PXDN: variants seen among roughly 807,000 people sequenced by gnomAD.
PXDN encodes peroxidasin homolog.
PXDN carries 77 observed loss-of-function variants against 140.3 expected under a neutral mutation model. The observed-to-expected ratio is 0.55, with a 90% CI of 0.46 to 0.66. The LOEUF (loss-of-function observed/expected upper bound fraction) is 0.66, where lower values mean the gene tolerates loss of function less well. PXDN is among the 30% of genes least tolerant of loss of function. PXDN has a pLI of 0.00. For missense variants in PXDN, 1,838 were observed against 2,039.5 expected (o/e 0.90, Z 1.90); for synonymous variants, 911 against 857.4 (o/e 1.06, Z -1.09).
At chr2:1,721,532 T>C (rs1685051313) in intron 1 of PXDN, among the ~76,000 whole-genome samples, 2 of 152,238 alleles carry the variant, frequency 1.3e-5, no homozygotes, top group Non-Finnish European at 2.9e-5. Flanking sequence ...TTTTGCTTGT[T>C]GCTTTTCTAA....
At chr2:1,652,845 A>G (rs1683045577) in intron 16 of PXDN, among the ~76,000 whole-genome samples, 1 of 152,218 alleles carries the variant, frequency 6.6e-6, no homozygotes, top group Admixed American at 6.5e-5. Context: ...GTTATGCTCA[A>G]TGAAAACAAT....
Position 1,663,507 on chromosome 2 carries a change from T to C in PXDN, c.1567+98A>G, listed in dbSNP as rs370087261. On this transcript the variant is annotated intron_variant, in intron 12 of 22. Transcript: ENST00000252804. ...AATGCAGAGAGAACAGCCAACGCTT[T>C]ATAACGAAGAGTAACACTAATGTCA... 1.4e-5 allele frequency: 21 copies of C among 1,499,980 alleles called. No homozygotes were observed. The African/African-American group carries it at 2.3e-4, about 17-fold the overall frequency. The allele number at this position is 1,499,980 out of a possible 1,614,324, so 92.9% of individuals were successfully genotyped here.
intron 9 of PXDN, among the ~76,000 whole-genome samples, chr2:1,669,999 T>C (rs1661528471): frequency 6.6e-6 from 1 of 152,326 alleles, no homozygotes; most frequent in East Asian, 1.9e-4. Flanking sequence ...AGCATAAGAC[T>C]ACCTATAGTC....
At chr2:1,713,332 G>A (rs574267822) in intron 1 of PXDN, among the ~76,000 whole-genome samples, 17 of 152,326 alleles carry the variant, frequency 1.1e-4, no homozygotes, top group African/African-American at 4.1e-4. Context: ...GTTTTGTGCT[G>A]TGGTAACTCA....
chr2:1,720,990 G>A (rs762108977), intron 1 of PXDN, among the ~76,000 whole-genome samples: 11 of 152,142 alleles, frequency 7.2e-5, no homozygotes, highest in South Asian at 2.1e-4. Context: ...CTCCTGCTCC[G>A]GGGAGGTCAG....
Position 1,649,549 on chromosome 2 carries a change from T to G in PXDN, c.2231A>C (p.His744Pro). The G allele has an allele frequency of 6.2e-7, 1 of 1,614,030 alleles. No individual in the cohort carries two copies. ...CTGCAGGTTGTTACAGGTGCCGTCG[T>G]GCGTCCGGTACTTCTGGTGGAAGCA... ...DMCFHQKYRT[H>P]DGTCNNLQHP... Residue 744 changes from histidine to proline, a missense_variant, in exon 17 of 23, where the codon CAC (histidine) becomes CCC (proline). Transcript: ENST00000252804. The surrounding 1 kb of genome is among the most constrained non-coding windows in gnomAD (Gnocchi z 7.1).
At chr2:1,644,021 G>A (rs1251953593) in intron 18 of PXDN, among the ~76,000 whole-genome samples, 1 of 119,992 alleles carries the variant, frequency 8.3e-6, no homozygotes, top group African/African-American at 3.1e-5. Flanking sequence ...GCAGTGAGTC[G>A]AGATCGCGCC....
chr2:1,738,857 A>G (rs7580451), intron 1 of PXDN, among the ~76,000 whole-genome samples: 104,068 of 151,970 alleles, frequency 0.68, 36,036 homozygotes, highest in East Asian at 0.93. Flanking sequence ...TGATCTTCCA[A>G]CTCTTACCCA....
Position 1,649,394 on chromosome 2 carries a change from G to A in PXDN, c.2386C>T (p.Arg796Cys), listed in dbSNP as rs567219623. ...CCGATCAGGGTGGTGGACACCAGGCGCGGCATGGGAAGGGCGTGCCCGTTG... is the reference window on the plus strand; with the variant it reads ...CCGATCAGGGTGGTGGACACCAGGCACGGCATGGGAAGGGCGTGCCCGTTG... ...LYNGHALPMPRLVSTTLIGTE... is the reference protein window; with the variant it reads ...LYNGHALPMPCLVSTTLIGTE... Residue 796 changes from arginine to cysteine, a missense_variant, in exon 17 of 23, where the codon CGC becomes TGC. Arg to Cys is a radical substitution (Grantham distance 180, BLOSUM62 -3). Transcript: ENST00000252804. This position sits in a 1 kb window ranked among gnomAD's most constrained non-coding sequence, Gnocchi z 7.1. 5 of 1,613,968 alleles carry A rather than the reference G, an allele frequency of 3.1e-6. No homozygotes were observed. The highest frequency in any genetic ancestry group is 2.2e-5 in the East Asian group (1 of 44,852).
At chr2:1,693,029 T>C (rs1684219144) in intron 2 of PXDN, 34 bp downstream of exon 2, 1 of 1,483,010 alleles carries the variant, frequency 6.7e-7, no homozygotes. Flanking sequence ...ATTTCTATTT[T>C]TCTATTAGTT....
At chr2:1,733,748 C>CAA (rs72208257) in intron 1 of PXDN, among the ~76,000 whole-genome samples, 989 of 79,228 alleles carry the variant, frequency 0.012, 60 homozygotes, top group African/African-American at 0.041. Flanking sequence ...TGTCAAATGA[C>CAA]AAAAAAAAAA....
intron 9 of PXDN, among the ~76,000 whole-genome samples, chr2:1,667,687 G>A (rs1359815587): frequency 6.6e-6 from 1 of 152,082 alleles, no homozygotes; most frequent in Non-Finnish European, 1.5e-5. Context: ...AATCATGAGT[G>A]AACTCCCATT....
rs1300938218 is a variant in PXDN, at chr2:1,665,101, G to A, written c.1292-27C>T. 5.9e-6 allele frequency: 9 copies of A among 1,525,996 alleles called. No homozygotes were observed. The African/African-American group carries it at 9.6e-5, about 16-fold the overall frequency. 94.5% of individuals were successfully genotyped at this position (1,525,996 alleles called of 1,614,324 possible). A position where few individuals can be genotyped will look rare whatever the true frequency, so the allele number is the denominator to read the frequency against. On this transcript the variant is annotated intron_variant, in intron 10 of 22. Transcript: ENST00000252804. ...TTCCGGAGAGAAAGCATTCAAAACA[G>A]GACATGTAAAAAACAGCCTGGGGTA... is the stretch of plus-strand genomic sequence containing the variant.
rs536913517 is a variant in PXDN at position 1,728,177 on chromosome 2, A to T, written c.200+16079T>A. Among the ~76,000 whole-genome samples the T allele has an allele frequency of 1.1e-4, 16 of 152,270 alleles. No homozygotes were observed. The South Asian group carries it at 1.2e-3, about 12-fold the overall frequency. On this transcript the variant is annotated intron_variant, in intron 1 of 22. Coordinates refer to ENST00000252804, the MANE Select transcript of PXDN (RefSeq NM_012293.3). ...GGTCTCTAAATCCCGAGCTCAAGAG[A>T]TCCATCCGCCTCAGCCTCCCAAAGT... is the stretch of plus-strand genomic sequence containing the variant.
intron 1 of PXDN, among the ~76,000 whole-genome samples, chr2:1,716,440 GAAAAAAAAAAAAAAAA>G (rs550784477): frequency 2.7e-4 from 16 of 58,228 alleles, no homozygotes; most frequent in African/African-American, 8.2e-4. Context: ...TCCATCTCAG[GAAAAAAAAAAAAAAAA>G]AAAAAAAAAA....
intron 1 of PXDN, among the ~76,000 whole-genome samples, chr2:1,727,302 G>T (rs1320477691): frequency 6.6e-6 from 1 of 152,134 alleles, no homozygotes; most frequent in Non-Finnish European, 1.5e-5. Flanking sequence ...TTCAGACAAA[G>T]TTCTTTGGCC....
rs77030163 is a variant in PXDN, at chr2:1,639,711, C to T, written c.3953-289G>A. Among the ~76,000 whole-genome samples, 36 of 152,324 alleles carry T rather than the reference C, an allele frequency of 2.4e-4. No homozygotes were observed. Among genetic ancestry groups the T allele is most frequent in the Non-Finnish European group, 4.4e-4 (30 of 68,032 alleles). Reference sequence around the variant, plus strand: ...ACCACGCCATCTAACCACACCCTCGCGGAGTTCCCTCCACCCACAGATGGA... The same window carrying T: ...ACCACGCCATCTAACCACACCCTCGTGGAGTTCCCTCCACCCACAGATGGA... On this transcript the variant is annotated intron_variant, in intron 19 of 22. Transcript: ENST00000252804. This position sits in a 1 kb window ranked among gnomAD's most constrained non-coding sequence, Gnocchi z 5.0.
In PXDN at chr2:1,685,819, C is replaced by A. The variant is rs1684042799; in HGVS notation, c.417-1668G>T. Among the ~76,000 whole-genome samples the A allele has an allele frequency of 6.6e-6, 1 of 151,928 alleles. No homozygotes were observed. The highest frequency in any genetic ancestry group is 2.4e-5 in the African/African-American group (1 of 41,378). ...CCCAGGCAGCCTGGGGTGTCCTCCA[C>A]CCCTCCCTGAACAATTGAGGAAACA... is the stretch of plus-strand genomic sequence containing the variant. On this transcript the variant is annotated intron_variant, in intron 4 of 22. Coordinates refer to ENST00000252804, the MANE Select transcript of PXDN (RefSeq NM_012293.3). The surrounding 1 kb of genome is among the most constrained non-coding windows in gnomAD (Gnocchi z 5.1).
intron 1 of PXDN, among the ~76,000 whole-genome samples, chr2:1,698,548 A>T (rs149750201): frequency 5.4e-4 from 83 of 152,336 alleles, no homozygotes; most frequent in African/African-American, 1.8e-3. Context: ...ACAAATCGGA[A>T]TTTAGAAACT....
Sources: allele counts gnomAD v4.1 joint callset (sites outside exome capture counted in the v4.1 genomes callset), GRCh38; gene constraint gnomAD v4.1.1; non-coding constraint Gnocchi (gnomAD v3.1); transcripts MANE v1.5; gene names NCBI Gene and HGNC (gene_info 2026-07-23, HGNC 2026-07-21).